Variants in FYB1 observed in about 807,000 individuals in gnomAD.
FYB1 encodes the protein FYN binding protein 1.
A neutral mutation model predicts 94.1 loss-of-function variants in FYB1; 41 were observed. The observed-to-expected ratio is 0.44, with a 90% CI of 0.34 to 0.57. FYB1 has a LOEUF of 0.57. Among genes scored for constraint, FYB1 ranks in the 20% least tolerant of loss-of-function variants. FYB1 has a pLI of 0.02. For missense variants in FYB1, 1,050 were observed against 976.8 expected (o/e 1.07, Z -1.00); for synonymous variants, 367 against 353.2 (o/e 1.04, Z -0.44).
intron 14 of FYB1, among the ~76,000 whole-genome samples, chr5:39,121,583 C>A (rs934524987): frequency 6.6e-6 from 1 of 151,988 alleles, no homozygotes. Context: ...TCTTTCTTTT[C>A]TCTTGAAAAA....
chr5:39,153,267 A>G (rs1410777604), intron 3 of FYB1, among the ~76,000 whole-genome samples, 181 bp downstream of exon 3: 1 of 152,232 alleles, frequency 6.6e-6, no homozygotes, highest in African/African-American at 2.4e-5. Flanking sequence ...GAGCAATTCT[A>G]GGGGTATTTG....
At chr5:39,225,411 A>G (rs1267987269) in intron 1 of FYB1, among the ~76,000 whole-genome samples, 1 of 152,212 alleles carries the variant, frequency 6.6e-6, no homozygotes, top group African/African-American at 2.4e-5. Flanking sequence ...GACTTTCCCA[A>G]TCAGATACTG....
intron 15 of FYB1, among the ~76,000 whole-genome samples, 196 bp downstream of exon 15, chr5:39,119,339 T>A (rs890677911): frequency 6.6e-6 from 1 of 152,070 alleles, no homozygotes; most frequent in African/African-American, 2.4e-5. Flanking sequence ...AAAAATAAAT[T>A]TAAATCTAAA....
intron 14 of FYB1, among the ~76,000 whole-genome samples, chr5:39,121,464 C>G (rs1290668132): frequency 6.6e-6 from 1 of 152,052 alleles, no homozygotes; most frequent in East Asian, 1.9e-4. Context: ...AAAATAAATA[C>G]TTAGCGTTTA....
At position 39,134,373 on chromosome 5, in the gene FYB1, G is replaced by T. The variant is rs753028949; in HGVS notation, c.1676-24C>A. The T allele has an allele frequency of 2.6e-6, 4 of 1,556,324 alleles. No individual in the cohort carries two copies. The Admixed American group carries it at 7.0e-5, about 27-fold the overall frequency. ...ATCTACCAAAAAGGGAAATATTTAT[G>T]TTCAGGCAACTGTAGTTTAAATATT... On this transcript the variant is annotated intron_variant, in intron 8 of 18. Transcript: ENST00000512982.
At chr5:39,124,804 G>C (rs1446111123) in intron 12 of FYB1, among the ~76,000 whole-genome samples, 3 of 151,936 alleles carry the variant, frequency 2.0e-5, no homozygotes, top group Non-Finnish European at 4.4e-5. Flanking sequence ...TTAAACCAGA[G>C]AGTGAGAGCT....
At chr5:39,162,420 C>T (rs1042931613) in intron 2 of FYB1, among the ~76,000 whole-genome samples, 18 of 152,260 alleles carry the variant, frequency 1.2e-4, no homozygotes, top group African/African-American at 4.3e-4. Flanking sequence ...GGTGCTGTGG[C>T]TCACACCTGT....
chr5:39,169,992 C>T, intron 2 of FYB1: 1 of 721,308 alleles, frequency 1.4e-6, no homozygotes, highest in South Asian at 1.4e-5. Flanking sequence ...TTCTTGTTCA[C>T]ACAAATTGGG....
At chr5:39,125,426 T>C (rs1335703579) in intron 12 of FYB1, among the ~76,000 whole-genome samples, 1 of 152,164 alleles carries the variant, frequency 6.6e-6, no homozygotes, top group Non-Finnish European at 1.5e-5. Context: ...AAACTTAAGA[T>C]GTTTAGAATA....
At chr5:39,108,573 TG>T (rs1488984105) in intron 17 of FYB1, among the ~76,000 whole-genome samples, 1 of 152,072 alleles carries the variant, frequency 6.6e-6, no homozygotes, top group African/African-American at 2.4e-5. Flanking sequence ...ATACTCCCAT[TG>T]GGGATGTTAA....
At chr5:39,134,516 G>C (rs1741487600) in intron 8 of FYB1, among the ~76,000 whole-genome samples, 167 bp from the exon 9 acceptor site, 1 of 152,152 alleles carries the variant, frequency 6.6e-6, no homozygotes, top group Non-Finnish European at 1.5e-5. Flanking sequence ...ACTGTACTCT[G>C]TCAAAGTCTA....
At chr5:39,188,469 C>T (rs1435866778) in intron 2 of FYB1, among the ~76,000 whole-genome samples, 1 of 151,912 alleles carries the variant, frequency 6.6e-6, no homozygotes, top group Non-Finnish European at 1.5e-5. Flanking sequence ...GCACACCTAA[C>T]CCCAACGTAC....
chr5:39,195,866 G>A (rs1182771682), intron 2 of FYB1, among the ~76,000 whole-genome samples: 1 of 152,128 alleles, frequency 6.6e-6, no homozygotes, highest in East Asian at 1.9e-4. Flanking sequence ...GCAAAGGAAA[G>A]GTTAGTTCAG....
chr5:39,193,731 G>T (rs1420996603), intron 2 of FYB1, among the ~76,000 whole-genome samples: 1 of 152,240 alleles, frequency 6.6e-6, no homozygotes, highest in Non-Finnish European at 1.5e-5. Context: ...ACGAGAGGCA[G>T]AAGGGGGATG....
chr5:39,153,650 A>G, intron 2 of FYB1, 46 bp from the exon 3 acceptor site: 1 of 1,535,858 alleles, frequency 6.5e-7, no homozygotes, highest in Non-Finnish European at 8.8e-7. Context: ...CAAATCTTCA[A>G]AAAGAAGATT....
chr5:39,115,999 C>T (rs1739529909), intron 16 of FYB1, among the ~76,000 whole-genome samples: 1 of 152,126 alleles, frequency 6.6e-6, no homozygotes, highest in African/African-American at 2.4e-5. Context: ...CCTACCTTCC[C>T]AGGAATAGAC....
At position 39,201,944 on chromosome 5, in the gene FYB1, T is replaced by G; in HGVS notation, c.1017A>C (p.Ser339=). 6.2e-7 allele frequency: 1 copy of G among 1,614,016 alleles called. No individual in the cohort carries two copies. The highest frequency in any genetic ancestry group is 8.5e-7 in the Non-Finnish European group (1 of 1,179,870). The change falls in exon 2 of 19, where the codon TCA becomes TCC. Residue 339 remains serine (S), a synonymous_variant. Coordinates refer to ENST00000512982, the MANE Select transcript of FYB1 (RefSeq NM_001465.6). ...GCAATGGCTTCTGTTTCGGGGTGGC[T>G]GAATTCTTGTCTCCCTTTTCCTTTT... The part of the protein sequence containing the change: ...SQEKEKGDKN[S]ATPKQKPLPP...
chr5:39,187,334 G>A (rs1046597701), intron 2 of FYB1, among the ~76,000 whole-genome samples: 4 of 152,286 alleles, frequency 2.6e-5, no homozygotes, highest in East Asian at 1.9e-4. Context: ...AAGATCCAAC[G>A]ATAAAGCATT....
At chr5:39,248,625 T>A (rs1159505376) in intron 1 of FYB1, among the ~76,000 whole-genome samples, 1 of 152,096 alleles carries the variant, frequency 6.6e-6, no homozygotes. Context: ...TCACTTGAGG[T>A]CAGGAGTTCG....
Sources: gnomAD v4.1 joint callset for allele counts (sites outside exome capture counted in the v4.1 genomes callset) on GRCh38, gnomAD v4.1.1 for gene constraint, MANE v1.5 for transcripts, NCBI Gene and HGNC (gene_info 2026-07-23, HGNC 2026-07-21) for gene names.